The following LHFPL3 variants were observed in gnomAD, a reference collection of about 807,000 sequenced individuals.
LHFPL3 encodes the protein LHFPL tetraspan subfamily member 3, also known as LHFPL tetraspan subfamily member 3 protein.
In LHFPL3, 5 loss-of-function variants were observed where a neutral mutation model predicts 19.3. The observed-to-expected ratio is 0.26, with a 90% CI of 0.14 to 0.54. The LOEUF (loss-of-function observed/expected upper bound fraction) is 0.54. Among genes scored for constraint, LHFPL3 ranks in the 20% least tolerant of loss-of-function variants. The pLI is 0.94. For missense variants in LHFPL3, 249 were observed against 307.4 expected, an observed-to-expected ratio of 0.81 and a Z score of 1.42; for synonymous variants, 133 against 126.2, an observed-to-expected ratio of 1.05 and a Z score of -0.36.
intron 1 of LHFPL3, among the ~76,000 whole-genome samples, chr7:104,424,483 G>A (rs995988144): frequency 1.3e-5 from 2 of 152,196 alleles, no homozygotes; most frequent in African/African-American, 4.8e-5. Context: ...TAAGACCACA[G>A]AAAGATGTAA....
chr7:104,780,490 T>A (rs1353366262), intron 2 of LHFPL3, among the ~76,000 whole-genome samples: 6 of 152,136 alleles, frequency 3.9e-5, no homozygotes, highest in African/African-American at 1.4e-4. Context: ...ACAGTATACT[T>A]CTTGGTCTCT....
intron 1 of LHFPL3, among the ~76,000 whole-genome samples, chr7:104,401,527 T>C (rs1791311862): frequency 1.3e-5 from 2 of 152,134 alleles, no homozygotes; most frequent in African/African-American, 4.8e-5. Context: ...AAAATGAACA[T>C]AACCTTTTAG....
At chr7:104,704,261 A>G (rs1388850331) in intron 1 of LHFPL3, among the ~76,000 whole-genome samples, 1 of 152,234 alleles carries the variant, frequency 6.6e-6, no homozygotes, top group Non-Finnish European at 1.5e-5. Flanking sequence ...ATTTAATAAC[A>G]CAGCACTGCC....
In LHFPL3 at chr7:104,679,350, T is replaced by G. The variant is rs570515502; in HGVS notation, c.446-57325T>G. On this transcript the variant is annotated intron_variant, in intron 1 of 2. Coordinates refer to ENST00000424859, the MANE Select transcript of LHFPL3 (RefSeq NM_199000.3). ...AGAGAAAGTCTGAAGCTGCAATGTC[T>G]TTTATGACTCAATCTTGTCATAAAA... Among the ~76,000 whole-genome samples the G allele has an allele frequency of 1.8e-4, 28 of 152,370 alleles. No individual in the cohort carries two copies. The South Asian group carries it at 5.4e-3, about 29-fold the overall frequency.
At chr7:104,388,750 A>G (rs1790999909) in intron 1 of LHFPL3, among the ~76,000 whole-genome samples, 1 of 152,198 alleles carries the variant, frequency 6.6e-6, no homozygotes, top group Non-Finnish European at 1.5e-5. Context: ...AATGTAATAT[A>G]TTAATAGAGT....
At chr7:104,840,930 A>G (rs900202689) in intron 2 of LHFPL3, among the ~76,000 whole-genome samples, 3 of 152,174 alleles carry the variant, frequency 2.0e-5, no homozygotes, top group Non-Finnish European at 4.4e-5. Context: ...TGTTTCGAGT[A>G]TAATAAGTAA....
At chr7:104,594,389 T>C (rs1401830964) in intron 1 of LHFPL3, among the ~76,000 whole-genome samples, 1 of 152,146 alleles carries the variant, frequency 6.6e-6, no homozygotes, top group African/African-American at 2.4e-5. Context: ...GCTTGTAGGG[T>C]TTCTGCTGAG....
intron 1 of LHFPL3, among the ~76,000 whole-genome samples, chr7:104,472,739 A>T (rs527512307): frequency 1.3e-5 from 2 of 152,214 alleles, no homozygotes; most frequent in African/African-American, 4.8e-5. Flanking sequence ...ATATCTCCCC[A>T]GCTAACCCAG....
intron 2 of LHFPL3, among the ~76,000 whole-genome samples, chr7:104,775,703 A>C (rs1306802578): frequency 6.6e-6 from 1 of 152,188 alleles, no homozygotes; most frequent in Non-Finnish European, 1.5e-5. Flanking sequence ...CACTGCAATA[A>C]TTTAACTGGA....
At chr7:104,588,941 G>T (rs1349567068) in intron 1 of LHFPL3, among the ~76,000 whole-genome samples, 16 of 152,112 alleles carry the variant, frequency 1.1e-4, no homozygotes, top group South Asian at 4.2e-4. Context: ...TAGGAATGCT[G>T]GTGATTTTTG....
intron 1 of LHFPL3, among the ~76,000 whole-genome samples, chr7:104,387,008 T>C (rs370010929): frequency 4.7e-4 from 71 of 152,162 alleles, no homozygotes; most frequent in South Asian, 3.5e-3. Flanking sequence ...AGAAAAGCAG[T>C]TAATAGAAAC....
intron 2 of LHFPL3, among the ~76,000 whole-genome samples, chr7:104,853,101 T>A (rs1047032122): frequency 1.3e-5 from 2 of 152,248 alleles, no homozygotes; most frequent in African/African-American, 4.8e-5. Flanking sequence ...TGCTGCAGTG[T>A]GTCTGGTGGA....
intron 1 of LHFPL3, among the ~76,000 whole-genome samples, chr7:104,448,640 G>T (rs111259363): frequency 6.6e-6 from 1 of 152,102 alleles, no homozygotes; most frequent in Non-Finnish European, 1.5e-5. Context: ...ACTGTACAAT[G>T]TTCTATTTCA....
chr7:104,544,042 A>G (rs959778279), intron 1 of LHFPL3, among the ~76,000 whole-genome samples: 2 of 141,000 alleles, frequency 1.4e-5, no homozygotes, highest in Non-Finnish European at 3.1e-5. Context: ...AAGTAAAATT[A>G]AAAAAAAAAA....
At chr7:104,755,130 G>T (rs10249054) in intron 2 of LHFPL3, among the ~76,000 whole-genome samples, 47,329 of 151,946 alleles carry the variant, frequency 0.31, 8,211 homozygotes, top group East Asian at 0.77. Context: ...TTGTCTGGGG[G>T]TGGCTTTGCC....
chr7:104,579,020 C>G (rs1790402235), intron 1 of LHFPL3, among the ~76,000 whole-genome samples: 1 of 152,054 alleles, frequency 6.6e-6, no homozygotes, highest in Non-Finnish European at 1.5e-5. Flanking sequence ...ATTTGAGAGC[C>G]CTAATGGATC....
intron 1 of LHFPL3, among the ~76,000 whole-genome samples, chr7:104,693,211 A>G (rs1792937340): frequency 6.6e-6 from 1 of 152,170 alleles, no homozygotes; most frequent in African/African-American, 2.4e-5. Flanking sequence ...CCCCCATTGT[A>G]TCTATGAAGT....
intron 1 of LHFPL3, among the ~76,000 whole-genome samples, chr7:104,485,921 TG>T (rs1562912423): frequency 6.6e-6 from 1 of 152,186 alleles, no homozygotes; most frequent in Non-Finnish European, 1.5e-5. Flanking sequence ...AAATCAAAAA[TG>T]TTTTTGTTTG....
chr7:104,496,975 G>C (rs571222505), intron 1 of LHFPL3, among the ~76,000 whole-genome samples: 2 of 152,154 alleles, frequency 1.3e-5, no homozygotes, highest in East Asian at 1.9e-4. Flanking sequence ...AAAATTAAAG[G>C]CCTAAGTGAA....
Sources: gnomAD v4.1 joint callset for allele counts (sites outside exome capture counted in the v4.1 genomes callset) on GRCh38, gnomAD v4.1.1 for gene constraint, MANE v1.5 for transcripts, NCBI Gene and HGNC (gene_info 2026-07-23, HGNC 2026-07-21) for gene names.